FMNL2: variants seen among roughly 807,000 people sequenced by gnomAD.
FMNL2 encodes the protein formin like 2.
In FMNL2, 51 loss-of-function variants were observed where a neutral mutation model predicts 130.2. That is an observed-to-expected ratio of 0.39 (90% CI 0.31 to 0.49). The LOEUF is 0.49. Among genes scored for constraint, FMNL2 ranks in the 20% least tolerant of loss-of-function variants. The pLI, the probability that FMNL2 is intolerant of heterozygous loss-of-function variation, is 0.85. For synonymous variants in FMNL2, 465 were observed against 467.1 expected, an observed-to-expected ratio of 1.00 and a Z score of 0.06; for missense variants, 977 against 1,316.2, an observed-to-expected ratio of 0.74 and a Z score of 3.99.
chr2:152,410,475 C>A (rs1686219755), intron 1 of FMNL2, among the ~76,000 whole-genome samples: 1 of 152,342 alleles, frequency 6.6e-6, no homozygotes, highest in South Asian at 2.1e-4. Flanking sequence ...AGAGTTCTTG[C>A]TGAGTCAATG....
rs1409581442 is a variant in FMNL2, at chr2:152,648,056, GCTCTCCTTTCAACCCTTGTT to G, written c.*152_*171del. The stretch of plus-strand genomic sequence containing the variant: ...CAAACACGGAAGAATTTTAAAATGA[GCTCTCCTTTCAACCCTTGTT>G]AACAAGTGCCTAAAAATGGAAGTAC... On this transcript the variant is annotated 3_prime_UTR_variant, in exon 26 of 26. Transcript: ENST00000288670. 3 of 653,960 alleles carry G rather than the reference GCTCTCCTTTCAACCCTTGTT, an allele frequency of 4.6e-6. No individual in the cohort carries two copies. The highest frequency in any genetic ancestry group is 1.9e-5 in the African/African-American group (1 of 54,052). 40.5% of individuals were successfully genotyped at this position (653,960 alleles called of 1,614,324 possible).
Position 152,648,143 on chromosome 2 carries a change from G to GT in FMNL2, c.*239dup, listed in dbSNP as rs1423055401. On this transcript the variant is annotated 3_prime_UTR_variant, in exon 26 of 26. Coordinates refer to ENST00000288670, the MANE Select transcript of FMNL2 (RefSeq NM_052905.4). ...AAGCAATAGGATTTGATTTGATTAG[G>GT]TATCTTTTTACACCAGTATGTTATT... is the stretch of plus-strand genomic sequence containing the variant. 6 of 460,582 alleles carry GT rather than the reference G, an allele frequency of 1.3e-5. No homozygotes were observed. Among genetic ancestry groups the GT allele is most frequent in the African/African-American group, 8.2e-5 (4 of 48,966 alleles). The allele number at this position is 460,582 out of a possible 1,614,324, so 28.5% of individuals were successfully genotyped here.
chr2:152,449,970 T>G (rs1212344751), intron 1 of FMNL2, among the ~76,000 whole-genome samples: 5 of 152,184 alleles, frequency 3.3e-5, no homozygotes, highest in Admixed American at 3.3e-4. Flanking sequence ...CATACCCTAT[T>G]CCAAATCTAC....
intron 1 of FMNL2, among the ~76,000 whole-genome samples, chr2:152,478,242 A>ATTTT: frequency 3.0e-5 from 1 of 33,682 alleles, no homozygotes; most frequent in Admixed American, 3.7e-4. Context: ...ATATATATAT[A>ATTTT]TATATATATT....
chr2:152,570,892 A>G (rs1415516132), intron 6 of FMNL2, among the ~76,000 whole-genome samples: 4 of 152,246 alleles, frequency 2.6e-5, no homozygotes, highest in Admixed American at 2.6e-4. Context: ...CATAAAAGTG[A>G]TAAGAAAACT....
intron 9 of FMNL2, among the ~76,000 whole-genome samples, chr2:152,590,361 T>C (rs1347529632): frequency 6.6e-6 from 1 of 152,174 alleles, no homozygotes; most frequent in Non-Finnish European, 1.5e-5. Flanking sequence ...CTCACGCCTG[T>C]AATCCCAGCA....
intron 1 of FMNL2, among the ~76,000 whole-genome samples, chr2:152,440,399 A>G (rs564595450): frequency 6.6e-6 from 1 of 152,382 alleles, no homozygotes; most frequent in East Asian, 1.9e-4. Context: ...CACAGTTGTC[A>G]GTACAGCCAT....
At chr2:152,491,081 C>T (rs567058416) in intron 1 of FMNL2, among the ~76,000 whole-genome samples, 3 of 152,280 alleles carry the variant, frequency 2.0e-5, no homozygotes, top group East Asian at 1.9e-4. Context: ...CTGTGCTTTC[C>T]TCCTGCCCTC....
intron 1 of FMNL2, among the ~76,000 whole-genome samples, chr2:152,366,386 T>G (rs1278279831): frequency 6.6e-6 from 1 of 151,820 alleles, no homozygotes; most frequent in African/African-American, 2.4e-5. Context: ...CATGTATACA[T>G]ATGTAACAAA....
chr2:152,478,224 A>G (rs1456429287), intron 1 of FMNL2, among the ~76,000 whole-genome samples: 1 of 127,152 alleles, frequency 7.9e-6, no homozygotes, highest in Non-Finnish European at 1.6e-5. Flanking sequence ...ACGTATACAT[A>G]TATACATATA....
At chr2:152,495,557 C>G (rs1039920969) in intron 1 of FMNL2, among the ~76,000 whole-genome samples, 4 of 146,850 alleles carry the variant, frequency 2.7e-5, no homozygotes, top group Admixed American at 1.4e-4. Flanking sequence ...GGCTGAGGCA[C>G]GAAAATCCGT....
intron 1 of FMNL2, among the ~76,000 whole-genome samples, chr2:152,461,336 G>C (rs939345017): frequency 6.8e-6 from 1 of 146,278 alleles, no homozygotes; most frequent in African/African-American, 2.6e-5. Flanking sequence ...TCAATATAAA[G>C]ATTACTAGTG....
chr2:152,470,188 G>A (rs552229764), intron 1 of FMNL2, among the ~76,000 whole-genome samples: 1 of 152,276 alleles, frequency 6.6e-6, no homozygotes, highest in Non-Finnish European at 1.5e-5. Context: ...TGATATTTGA[G>A]GCTGAATAAT....
rs569267115 is a variant in FMNL2, at chr2:152,629,805, G to T, written c.2470-20G>T. ...TGATGTGCTGTACTGATGGGCTTCT[G>T]TTTTCACCTTCTTTTGCAGATCATC... On this transcript the variant is annotated intron_variant, in intron 19 of 25. Coordinates refer to ENST00000288670, the MANE Select transcript of FMNL2 (RefSeq NM_052905.4). 28 of 1,611,322 alleles carry T rather than the reference G, an allele frequency of 1.7e-5. No individual in the cohort carries two copies. The South Asian group carries it at 2.2e-4, about 13-fold the overall frequency.
At chr2:152,499,272 A>G (rs938375814) in intron 1 of FMNL2, among the ~76,000 whole-genome samples, 3 of 152,226 alleles carry the variant, frequency 2.0e-5, no homozygotes, top group Non-Finnish European at 4.4e-5. Context: ...GAAAAAGGAA[A>G]GGCACAAAGG....
intron 2 of FMNL2, among the ~76,000 whole-genome samples, chr2:152,523,360 A>G (rs1693210606): frequency 2.0e-5 from 3 of 152,102 alleles, no homozygotes. Flanking sequence ...CTTATAAGAG[A>G]CCATTTATAC....
rs891881337 is a variant in FMNL2 at position 152,506,282 on chromosome 2, T to C, written c.118-15661T>C. On this transcript the variant is annotated intron_variant, in intron 1 of 25. Coordinates refer to ENST00000288670, the MANE Select transcript of FMNL2 (RefSeq NM_052905.4). Reference sequence around the variant, plus strand: ...GGCCTTTTATTTTAGAATATGGTCTTTCCTTGGTATCTATGGAGGACTGAT... The same window carrying C: ...GGCCTTTTATTTTAGAATATGGTCTCTCCTTGGTATCTATGGAGGACTGAT... 2.6e-5 allele frequency among the ~76,000 whole-genome samples: 4 copies of C among 152,210 alleles called. No homozygotes were observed. In the East Asian group the frequency reaches 5.8e-4, roughly 22 times the overall value.
chr2:152,637,592 T>C lies in FMNL2; in HGVS notation c.2864T>C (p.Val955Ala). Reference sequence around the variant, plus strand: ...TCACAGGATGCCTTTGATGATGTTGTGAAGTATTTTGGAGAAAACCCCAAG... The same window carrying C: ...TCACAGGATGCCTTTGATGATGTTGCGAAGTATTTTGGAGAAAACCCCAAG... ...KIAQDAFDDV[V>A]KYFGENPKTT... Residue 955 changes from valine (V) to alanine (A), a missense_variant, in exon 23 of 26, where the codon GTG becomes GCG. Val to Ala is a moderately conservative substitution (Grantham distance 64, BLOSUM62 0). Around this residue, in one of 4 missense-constraint regions of FMNL2, gnomAD observed 168 missense variants for 168.8 expected, o/e 1.00. Transcript: ENST00000288670. 6.2e-7 allele frequency: 1 copy of C among 1,613,978 alleles called. No homozygotes were observed. Among genetic ancestry groups the C allele is most frequent in the Non-Finnish European group, 8.5e-7 (1 of 1,179,864 alleles).
intron 9 of FMNL2, among the ~76,000 whole-genome samples, chr2:152,601,677 T>C (rs1404594400): frequency 6.8e-6 from 1 of 146,666 alleles, no homozygotes; most frequent in African/African-American, 2.5e-5. Flanking sequence ...CTTTCTTTTT[T>C]TTTTTTTTTT....
Sources: gnomAD v4.1 joint callset for allele counts (sites outside exome capture counted in the v4.1 genomes callset) on GRCh38, gnomAD v4.1.1 for gene constraint, gnomAD v4.1.1 regional missense constraint, MANE v1.5 for transcripts, NCBI Gene and HGNC (gene_info 2026-07-23, HGNC 2026-07-21) for gene names.